Variants in NALF1 observed in about 807,000 individuals in gnomAD.
NALF1 encodes NALCN channel auxiliary factor 1.
Under a neutral mutation model 48.4 loss-of-function variants are expected in NALF1, and 3 were observed. The ratio of observed to expected loss-of-function variants is 0.06; its 90% confidence interval spans 0.03 to 0.16. The LOEUF (loss-of-function observed/expected upper bound fraction) is 0.16, where lower values mean the gene tolerates loss of function less well. Among genes scored for constraint, NALF1 ranks in the 10% least tolerant of loss-of-function variants. The probability of loss-of-function intolerance (pLI) is 1.00; values close to 1 mark genes in which losing one functional copy is unlikely to be tolerated. For missense variants in NALF1, 526 were observed against 571.5 expected, an observed-to-expected ratio of 0.92 and a Z score of 0.81; for synonymous variants, 262 against 245.7, an observed-to-expected ratio of 1.07 and a Z score of -0.62.
At chr13:107,828,246 C>T (rs1298514530) in intron 1 of NALF1, among the ~76,000 whole-genome samples, 2 of 152,126 alleles carry the variant, frequency 1.3e-5, no homozygotes, top group Non-Finnish European at 2.9e-5. Flanking sequence ...CACTGACATT[C>T]CAAATTTTTG....
chr13:107,515,691 T>C (rs1199117976), intron 1 of NALF1, among the ~76,000 whole-genome samples: 1 of 152,226 alleles, frequency 6.6e-6, no homozygotes, highest in Non-Finnish European at 1.5e-5. Flanking sequence ...ATGCTCTCCT[T>C]GTCAGCATCT....
At chr13:107,271,109 G>A (rs79477522) in intron 1 of NALF1, among the ~76,000 whole-genome samples, 4,465 of 152,210 alleles carry the variant, frequency 0.029, 253 homozygotes, top group African/African-American at 0.1. Context: ...GTAGTTTGTA[G>A]TAGACAGAAT....
At chr13:107,610,383 T>C (rs7327831) in intron 1 of NALF1, among the ~76,000 whole-genome samples, 6,381 of 152,298 alleles carry the variant, frequency 0.042, 354 homozygotes, top group East Asian at 0.27. Context: ...GATGAATAGA[T>C]GATTTAAACA....
At chr13:107,856,967 C>T (rs1053196045) in intron 1 of NALF1, among the ~76,000 whole-genome samples, 17 of 152,350 alleles carry the variant, frequency 1.1e-4, no homozygotes, top group African/African-American at 3.8e-4. Flanking sequence ...CTTGCCAAAA[C>T]ACCTGCACAC....
intron 1 of NALF1, among the ~76,000 whole-genome samples, chr13:107,214,797 T>C (rs1228886725): frequency 1.3e-5 from 2 of 152,220 alleles, no homozygotes; most frequent in African/African-American, 2.4e-5. Context: ...TCATTTTTAC[T>C]TAATACTTGA....
intron 1 of NALF1, among the ~76,000 whole-genome samples, chr13:107,807,836 A>T (rs1195665367): frequency 6.6e-6 from 1 of 152,192 alleles, no homozygotes; most frequent in Non-Finnish European, 1.5e-5. Context: ...CATGGGGAAC[A>T]GCTCACACGG....
chr13:107,534,930 T>C (rs1209157380), intron 1 of NALF1, among the ~76,000 whole-genome samples: 1 of 152,166 alleles, frequency 6.6e-6, no homozygotes, highest in South Asian at 2.1e-4. Context: ...TGTTGGTGTA[T>C]AATTATTTGC....
chr13:107,541,940 CA>C (rs1315789882), intron 1 of NALF1, among the ~76,000 whole-genome samples: 2 of 151,948 alleles, frequency 1.3e-5, no homozygotes, highest in African/African-American at 4.8e-5. Context: ...AGAGAAGTTT[CA>C]GAAAACAAGC....
chr13:107,465,411 CCCT>C (rs1443006630), intron 1 of NALF1, among the ~76,000 whole-genome samples: 13 of 151,522 alleles, frequency 8.6e-5, no homozygotes, highest in Admixed American at 3.9e-4. Context: ...TCTTTCTTTA[CCCT>C]CCTAATTTAA....
At chr13:107,441,513 G>C (rs1884560313) in intron 1 of NALF1, among the ~76,000 whole-genome samples, 1 of 152,160 alleles carries the variant, frequency 6.6e-6, no homozygotes, top group African/African-American at 2.4e-5. Context: ...ATGAAGCAAA[G>C]AAGTCAAAGA....
chr13:107,506,489 ACAC>A (rs1875699048), intron 1 of NALF1, among the ~76,000 whole-genome samples: 1 of 152,294 alleles, frequency 6.6e-6, no homozygotes, highest in South Asian at 2.1e-4. Context: ...TGTACAACCA[ACAC>A]CACATTCTAA....
chr13:107,164,187 G>C lies in NALF1; in HGVS notation c.*6310C>G, dbSNP rs967782101. The stretch of plus-strand genomic sequence containing the variant: ...TGCTCATTACCTGGTCTTCACTGAA[G>C]TTGTAAATTTATTTCACTGATCCTT... On this transcript the variant is annotated 3_prime_UTR_variant, in exon 3 of 3. Coordinates refer to ENST00000375915, the MANE Select transcript of NALF1 (RefSeq NM_001080396.3). 6.6e-6 allele frequency: 1 copy of C among 152,140 alleles called. No individual in the cohort carries two copies. The highest frequency in any genetic ancestry group is 1.5e-5 in the Non-Finnish European group (1 of 68,012). The allele number at this position is 152,140 out of a possible 1,614,324, so 9.4% of individuals were successfully genotyped here. A position where few individuals can be genotyped will look rare whatever the true frequency, so the allele number is the denominator to read the frequency against.
chr13:107,244,418 T>C (rs1880537689), intron 1 of NALF1, among the ~76,000 whole-genome samples: 1 of 152,230 alleles, frequency 6.6e-6, no homozygotes, highest in African/African-American at 2.4e-5. Context: ...TGACCAAGCA[T>C]ATTATGAGTT....
chr13:107,276,923 T>C (rs1881293033), intron 1 of NALF1, among the ~76,000 whole-genome samples: 1 of 152,190 alleles, frequency 6.6e-6, no homozygotes, highest in African/African-American at 2.4e-5. Flanking sequence ...CTAACAAGTC[T>C]ATTTTCATTA....
At chr13:107,784,213 C>T (rs923401541) in intron 1 of NALF1, among the ~76,000 whole-genome samples, 1 of 152,126 alleles carries the variant, frequency 6.6e-6, no homozygotes, top group Non-Finnish European at 1.5e-5. Context: ...ACTACTGCCC[C>T]GCTGACTTTC....
At chr13:107,179,041 C>T (rs770295403) in intron 2 of NALF1, among the ~76,000 whole-genome samples, 2 of 152,136 alleles carry the variant, frequency 1.3e-5, no homozygotes, top group African/African-American at 2.4e-5. Flanking sequence ...GATCAGGATA[C>T]GGAAGAGATA....
rs1368111150 is a variant in NALF1 at position 107,863,517 on chromosome 13, TA to T, written c.915+2164del. On this transcript the variant is annotated intron_variant, in intron 1 of 2. Transcript: ENST00000375915. Reference sequence around the variant, plus strand: ...CAACAAAAAAACACCCCACAACCAATAAACGTCTGCACGACATAACATGCAA... The same window carrying T: ...CAACAAAAAAACACCCCACAACCAATAACGTCTGCACGACATAACATGCAA... 2.0e-5 allele frequency among the ~76,000 whole-genome samples: 3 copies of T among 152,234 alleles called. No individual in the cohort carries two copies. In the East Asian group the frequency reaches 5.8e-4, roughly 29 times the overall value.
chr13:107,179,107 AC>A (rs1879006755), intron 2 of NALF1, among the ~76,000 whole-genome samples: 1 of 152,218 alleles, frequency 6.6e-6, no homozygotes, highest in Non-Finnish European at 1.5e-5. Context: ...TTTGGAAGCA[AC>A]CTAAGCATCC....
chr13:107,562,407 G>A (rs1196227192), intron 1 of NALF1, among the ~76,000 whole-genome samples: 3 of 152,242 alleles, frequency 2.0e-5, no homozygotes, highest in African/African-American at 7.2e-5. Context: ...GAAGATAGGA[G>A]ATTGTAAGCT....
Sources: allele counts gnomAD v4.1 joint callset (sites outside exome capture counted in the v4.1 genomes callset), GRCh38; gene constraint gnomAD v4.1.1; transcripts MANE v1.5; gene names NCBI Gene and HGNC (gene_info 2026-07-23, HGNC 2026-07-21).